CDH13: variants seen among roughly 807,000 people sequenced by gnomAD.
CDH13 encodes the protein cadherin 13, also known as cadherin-13.
Under a neutral mutation model 63.8 loss-of-function variants are expected in CDH13, and 24 were observed. That is an observed-to-expected ratio of 0.38 (90% CI 0.27 to 0.53). The LOEUF (loss-of-function observed/expected upper bound fraction) is 0.53, where lower values mean the gene tolerates loss of function less well. Ranked by LOEUF, CDH13 falls within the 20% of genes least tolerant of loss-of-function variation. The pLI, the probability that CDH13 is intolerant of heterozygous loss-of-function variation, is 0.85. For synonymous variants in CDH13, 503 were observed against 355.3 expected, an observed-to-expected ratio of 1.42 and a Z score of -4.67; for missense variants, 1,049 against 903.1, an observed-to-expected ratio of 1.16 and a Z score of -2.07.
intron 6 of CDH13, among the ~76,000 whole-genome samples, chr16:83,439,554 G>A (rs945232112): frequency 6.6e-6 from 1 of 152,176 alleles, no homozygotes; most frequent in African/African-American, 2.4e-5. Flanking sequence ...TCATCTTTAG[G>A]TAGGACAGCC....
At chr16:82,639,604 T>TA (rs1909139433) in intron 1 of CDH13, 3 of 639,448 alleles carry the variant, frequency 4.7e-6, no homozygotes, top group Admixed American at 2.3e-5. Context: ...AAACAAGAAA[T>TA]ATACAGTCTG....
At chr16:83,003,781 G>C (rs969251314) in intron 2 of CDH13, among the ~76,000 whole-genome samples, 7 of 152,184 alleles carry the variant, frequency 4.6e-5, no homozygotes, top group African/African-American at 1.4e-4. Context: ...TAGAATGTTT[G>C]CTGGAAGCAG....
rs116080568 is a variant in CDH13 at position 82,715,498 on chromosome 16, G to C, written c.45+88361G>C. On this transcript the variant is annotated intron_variant, in intron 1 of 13. Transcript: ENST00000567109. ...ATGCTGCCTAAGAAAAGCCGCAAAG[G>C]ATTTTATTTGATTTTTGCACACAAC... Among the ~76,000 whole-genome samples, 580 of 152,230 alleles carry C rather than the reference G, an allele frequency of 3.8e-3. 2 individuals carry two copies. The highest frequency in any genetic ancestry group is 0.013 in the African/African-American group (555 of 41,548).
chr16:83,239,821 C>T (rs1018587460), intron 5 of CDH13, among the ~76,000 whole-genome samples: 2 of 152,120 alleles, frequency 1.3e-5, no homozygotes, highest in African/African-American at 2.4e-5. Flanking sequence ...ATGAGAAATG[C>T]CCCTGAGTAA....
At chr16:83,200,296 T>C (rs1257725785) in intron 4 of CDH13, among the ~76,000 whole-genome samples, 1 of 152,198 alleles carries the variant, frequency 6.6e-6, no homozygotes, top group East Asian at 1.9e-4. Flanking sequence ...CCTTTTGAGC[T>C]GAAATCTGTC....
intron 1 of CDH13, among the ~76,000 whole-genome samples, chr16:82,750,167 T>C (rs1340501929): frequency 6.6e-6 from 1 of 152,096 alleles, no homozygotes; most frequent in Non-Finnish European, 1.5e-5. Flanking sequence ...CAGCGATGCT[T>C]CAGAGGGCAG....
intron 5 of CDH13, among the ~76,000 whole-genome samples, chr16:83,282,645 C>G (rs1032647649): frequency 2.0e-5 from 3 of 152,164 alleles, no homozygotes; most frequent in Non-Finnish European, 4.4e-5. Flanking sequence ...AAAAAGAGCT[C>G]CTGTAAATCA....
At chr16:82,761,824 C>T (rs2034867760) in intron 1 of CDH13, among the ~76,000 whole-genome samples, 1 of 152,000 alleles carries the variant, frequency 6.6e-6, no homozygotes, top group Non-Finnish European at 1.5e-5. Flanking sequence ...ATTTTTTTAT[C>T]ATGACTTATG....
chr16:83,603,803 G>T lies in CDH13; in HGVS notation c.1101+1209G>T, dbSNP rs141925231. On this transcript the variant is annotated intron_variant, in intron 8 of 13. Transcript: ENST00000567109. ...ACTGGGTAATTTACAAAGAAAAGAG[G>T]TTTAATTGGCTCATGATTCTGCAAG... Among the ~76,000 whole-genome samples the T allele has an allele frequency of 5.7e-3, 865 of 152,264 alleles. 5 individuals carry two copies. Among genetic ancestry groups the T allele is most frequent in the African/African-American group, 0.02 (815 of 41,534 alleles).
chr16:82,750,060 G>C (rs1567497073), intron 1 of CDH13, among the ~76,000 whole-genome samples: 1 of 152,074 alleles, frequency 6.6e-6, no homozygotes, highest in Non-Finnish European at 1.5e-5. Context: ...GTCCATGGAG[G>C]AGTTGCACCA....
chr16:82,925,421 A>G (rs1031368981), intron 2 of CDH13, among the ~76,000 whole-genome samples: 4 of 152,296 alleles, frequency 2.6e-5, no homozygotes, highest in East Asian at 3.9e-4. Flanking sequence ...GTATGCTGGG[A>G]AGGAAGAACA....
chr16:83,135,580 A>G (rs541942351), intron 4 of CDH13, among the ~76,000 whole-genome samples: 7 of 152,322 alleles, frequency 4.6e-5, no homozygotes, highest in Non-Finnish European at 8.8e-5. Flanking sequence ...AAAATAGCAC[A>G]TGGCATGAGT....
intron 2 of CDH13, among the ~76,000 whole-genome samples, chr16:82,896,867 G>A (rs1036753078): frequency 7.9e-5 from 10 of 126,068 alleles, no homozygotes; most frequent in African/African-American, 2.7e-4. Context: ...TGCAAGCTCC[G>A]CCTCCCAGGT....
Position 83,554,251 on chromosome 16 carries a change from A to G in CDH13, c.961-48203A>G, listed in dbSNP as rs181030445. Among the ~76,000 whole-genome samples the G allele has an allele frequency of 3.7e-4, 57 of 152,336 alleles. 1 individual carries two copies. Among genetic ancestry groups the G allele is most frequent in the Middle Eastern group, 3.4e-3 (1 of 294 alleles). On this transcript the variant is annotated intron_variant, in intron 7 of 13. Coordinates refer to ENST00000567109, the MANE Select transcript of CDH13 (RefSeq NM_001257.5). ...AAAAATAGGCAATGGAGGAGAGCCA[A>G]AATTTGAACTCCAGCCTGAAAATCA...
intron 1 of CDH13, among the ~76,000 whole-genome samples, chr16:82,785,892 C>A (rs894605665): frequency 6.6e-6 from 1 of 152,198 alleles, no homozygotes; most frequent in African/African-American, 2.4e-5. Flanking sequence ...CTATGGTGAG[C>A]CCACATTTGG....
chr16:83,521,419 A>T (rs1175125691), intron 7 of CDH13, among the ~76,000 whole-genome samples: 1 of 152,236 alleles, frequency 6.6e-6, no homozygotes, highest in Non-Finnish European at 1.5e-5. Context: ...AGTAGCGGCC[A>T]GGTGACCTTT....
chr16:83,001,717 G>C (rs573486686), intron 2 of CDH13, among the ~76,000 whole-genome samples: 2 of 152,204 alleles, frequency 1.3e-5, no homozygotes, highest in African/African-American at 4.8e-5. Flanking sequence ...CGGATGATTG[G>C]CTGTGACCCA....
chr16:83,177,046 C>G (rs1230061888), intron 4 of CDH13, among the ~76,000 whole-genome samples: 1 of 152,160 alleles, frequency 6.6e-6, no homozygotes. Context: ...TCTGCACATC[C>G]AGTATGATAA....
chr16:82,777,341 T>C (rs1417791203), intron 1 of CDH13, among the ~76,000 whole-genome samples: 2 of 152,198 alleles, frequency 1.3e-5, no homozygotes, highest in Non-Finnish European at 2.9e-5. Context: ...GTGAGTCAGA[T>C]AGTGAATATG....
Sources: gnomAD v4.1 joint callset for allele counts (sites outside exome capture counted in the v4.1 genomes callset) on GRCh38, gnomAD v4.1.1 for gene constraint, MANE v1.5 for transcripts, NCBI Gene and HGNC (gene_info 2026-07-23, HGNC 2026-07-21) for gene names.